The following SYNJ2 variants were observed in gnomAD, a reference collection of about 807,000 sequenced individuals.
SYNJ2 encodes the protein synaptojanin 2, also known as polyphosphatidylinositol phosphatase SYNJ2.
SYNJ2 carries 116 observed loss-of-function variants against 141.3 expected under a neutral mutation model. The ratio of observed to expected loss-of-function variants is 0.82; its 90% CI spans 0.71 to 0.96. The LOEUF (loss-of-function observed/expected upper bound fraction) is 0.96, where lower values mean the gene tolerates loss of function less well. Among genes scored for constraint, SYNJ2 ranks in the 40% least tolerant of loss-of-function variants. The pLI is 0.00. For missense variants in SYNJ2, 1,873 were observed against 1,934.8 expected, an observed-to-expected ratio of 0.97 and a Z score of 0.60; for synonymous variants, 745 against 777.7, an observed-to-expected ratio of 0.96 and a Z score of 0.70.
intron 16 of SYNJ2, among the ~76,000 whole-genome samples, chr6:158,075,289 G>A (rs866918461): frequency 6.6e-6 from 1 of 151,790 alleles, no homozygotes. Flanking sequence ...CTAGCAGGAT[G>A]AGCTGAGATG....
Position 158,069,676 on chromosome 6 carries a change from A to G in SYNJ2, c.1940+3A>G. 6.2e-7 allele frequency: 1 copy of G among 1,609,828 alleles called. No homozygotes were observed. Among genetic ancestry groups the G allele is most frequent in the Non-Finnish European group, 8.5e-7 (1 of 1,177,268 alleles). ...CCATACCATGTCCCGTTCATCAGGT[A>G]AGAACATTCTGTTTACACACATCTG... is the stretch of plus-strand genomic sequence containing the variant. On this transcript the variant is annotated splice_donor_region_variant and intron_variant, in intron 14 of 26. Transcript: ENST00000355585.
At chr6:157,992,541 GCACC>G (rs1777488515) in intron 1 of SYNJ2, among the ~76,000 whole-genome samples, 1 of 151,036 alleles carries the variant, frequency 6.6e-6, no homozygotes, top group Non-Finnish European at 1.5e-5. Context: ...GGGATTACAG[GCACC>G]CACCACCACA....
At chr6:158,017,109 G>C in intron 1 of SYNJ2, 95 bp from the exon 2 acceptor site, 1 of 1,496,728 alleles carries the variant, frequency 6.7e-7, no homozygotes, top group African/African-American at 1.4e-5. Context: ...TCTTTTTGGA[G>C]TGGGTGGGAA....
chr6:157,981,918 G>A lies in SYNJ2; in HGVS notation c.-44G>A. ...AGCTGTCGCGGGCAGCGCGCCCTCG[G>A]GAGGACGTGGCCCCGGCCCCCGCCC... On this transcript the variant is annotated 5_prime_UTR_variant, in exon 1 of 27. Transcript: ENST00000355585. The surrounding 1 kb of genome is among the most constrained non-coding windows in gnomAD (Gnocchi z 6.4). 1 of 1,221,966 alleles carries A rather than the reference G, an allele frequency of 8.2e-7. No individual in the cohort carries two copies. Among genetic ancestry groups the A allele is most frequent in the South Asian group, 4.1e-5 (1 of 24,302 alleles). The allele number at this position is 1,221,966 out of a possible 1,614,324, so 75.7% of individuals were successfully genotyped here. A position where few individuals can be genotyped will look rare whatever the true frequency, so the allele number is the denominator to read the frequency against.
rs955583768 is a variant in SYNJ2, at chr6:157,982,431, C to A, written c.127+343C>A. Among the ~76,000 whole-genome samples, 1 of 152,158 alleles carries A rather than the reference C, an allele frequency of 6.6e-6. No homozygotes were observed. The highest frequency in any genetic ancestry group is 1.5e-5 in the Non-Finnish European group (1 of 68,018). On this transcript the variant is annotated intron_variant, in intron 1 of 26. Coordinates refer to ENST00000355585, the MANE Select transcript of SYNJ2 (RefSeq NM_003898.4). The surrounding 1 kb of genome is among the most constrained non-coding windows in gnomAD (Gnocchi z 4.0). Reference sequence around the variant, plus strand: ...TTAGCCGGCCTGACCCTGTGCCTGGCGCCTTTTCTTTTGCACCTGTTGATG... The same window carrying A: ...TTAGCCGGCCTGACCCTGTGCCTGGAGCCTTTTCTTTTGCACCTGTTGATG...
chr6:158,026,607 C>A (rs1479702276), intron 2 of SYNJ2, among the ~76,000 whole-genome samples: 1 of 152,236 alleles, frequency 6.6e-6, no homozygotes, highest in Non-Finnish European at 1.5e-5. Context: ...CCAGCCTCCC[C>A]CAGGCCGTGG....
intron 4 of SYNJ2, among the ~76,000 whole-genome samples, chr6:158,042,973 A>T (rs1780029597): frequency 6.6e-6 from 1 of 152,244 alleles, no homozygotes; most frequent in African/African-American, 2.4e-5. Flanking sequence ...TCCAGAGCAC[A>T]CTGACTTCTA....
At chr6:157,993,573 C>T (rs1777528617) in intron 1 of SYNJ2, among the ~76,000 whole-genome samples, 1 of 151,814 alleles carries the variant, frequency 6.6e-6, no homozygotes, top group African/African-American at 2.4e-5. Flanking sequence ...CTTTGGTTGC[C>T]TGTGCTTGTG....
chr6:157,981,929 C>T lies in SYNJ2; in HGVS notation c.-33C>T, dbSNP rs1363488447. 3 of 1,223,476 alleles carry T rather than the reference C, an allele frequency of 2.5e-6. No homozygotes were observed. The highest frequency in any genetic ancestry group is 3.1e-5 in the African/African-American group (2 of 63,996). The allele number at this position is 1,223,476 out of a possible 1,614,324, so 75.8% of individuals were successfully genotyped here. On this transcript the variant is annotated 5_prime_UTR_variant, in exon 1 of 27. Transcript: ENST00000355585. This position sits in a 1 kb window ranked among gnomAD's most constrained non-coding sequence, Gnocchi z 6.4. ...GCAGCGCGCCCTCGGGAGGACGTGG[C>T]CCCGGCCCCCGCCCGCAGTGGGCCC...
chr6:158,016,373 C>T (rs1778456738), intron 1 of SYNJ2, among the ~76,000 whole-genome samples: 1 of 152,200 alleles, frequency 6.6e-6, no homozygotes, highest in Non-Finnish European at 1.5e-5. Context: ...CTTCGCCTCC[C>T]AAAGTGCTGG....
intron 1 of SYNJ2, among the ~76,000 whole-genome samples, chr6:157,999,301 A>G (rs2128318983): frequency 6.6e-6 from 1 of 152,326 alleles, no homozygotes; most frequent in East Asian, 1.9e-4. Flanking sequence ...TCCCCCTGTG[A>G]TTCAGGCATG....
At chr6:158,077,350 C>T (rs1010303669) in intron 17 of SYNJ2, among the ~76,000 whole-genome samples, 1 of 152,116 alleles carries the variant, frequency 6.6e-6, no homozygotes, top group Non-Finnish European at 1.5e-5. Flanking sequence ...CCTGGCTGCC[C>T]CTGCATCACA....
At position 158,086,999 on chromosome 6, in the gene SYNJ2, T is replaced by G. The variant is rs1341556778; in HGVS notation, c.3343+10T>G. On this transcript the variant is annotated intron_variant, in intron 23 of 26. Coordinates refer to ENST00000355585, the MANE Select transcript of SYNJ2 (RefSeq NM_003898.4). ...AGACCCCCCCCTCCAAGTAAGACTC[T>G]GCTTGCTTTCAGCTCCCTGGATGCC... The G allele has an allele frequency of 7.7e-6, 10 of 1,292,822 alleles. No individual in the cohort carries two copies. In the South Asian group the frequency reaches 8.1e-5, roughly 11 times the overall value. The allele number at this position is 1,292,822 out of a possible 1,614,324, so 80.1% of individuals were successfully genotyped here.
chr6:157,997,034 C>T (rs943979021), intron 1 of SYNJ2, among the ~76,000 whole-genome samples: 4 of 145,032 alleles, frequency 2.8e-5, no homozygotes, highest in African/African-American at 5.3e-5. Context: ...CCCACCCCCC[C>T]CCACCCAGCT....
At chr6:158,079,553 A>G (rs1369337261) in intron 18 of SYNJ2, among the ~76,000 whole-genome samples, 3 of 151,762 alleles carry the variant, frequency 2.0e-5, no homozygotes, top group African/African-American at 7.3e-5. Flanking sequence ...TTGTATTTTT[A>G]GTAGAAACGG....
rs1182615434 is a variant in SYNJ2 at position 158,059,336 on chromosome 6, C to T, written c.937C>T (p.Leu313Phe). Reference protein sequence around the residue: ...LLGSRGGEEVLNRAFKKLLWA... With the variant: ...LLGSRGGEEVFNRAFKKLLWA... ...GGGAAGCAGAGGCGGAGAGGAGGTGCTCAACAGAGCCTTCAAGGTAAGGCC... is the reference window on the plus strand; with the variant it reads ...GGGAAGCAGAGGCGGAGAGGAGGTGTTCAACAGAGCCTTCAAGGTAAGGCC... The change falls in exon 7 of 27, where the codon CTC (leucine) becomes TTC (phenylalanine). Residue 313 changes from leucine to phenylalanine, a missense_variant. By Grantham distance (22) the Leu-to-Phe change is conservative. Transcript: ENST00000355585. The T allele has an allele frequency of 2.6e-6, 4 of 1,550,520 alleles. No homozygotes were observed. Among genetic ancestry groups the T allele is most frequent in the South Asian group, 1.2e-5 (1 of 84,042 alleles).
At chr6:157,992,780 T>C (rs146690723) in intron 1 of SYNJ2, among the ~76,000 whole-genome samples, 2 of 152,218 alleles carry the variant, frequency 1.3e-5, no homozygotes, top group Non-Finnish European at 2.9e-5. Context: ...GATCTCATTC[T>C]TTTTTATGGA....
At chr6:158,008,253 A>C (rs965552651) in intron 1 of SYNJ2, among the ~76,000 whole-genome samples, 1 of 152,186 alleles carries the variant, frequency 6.6e-6, no homozygotes, top group Non-Finnish European at 1.5e-5. Context: ...GATTACAGGC[A>C]TGAGCCACCA....
chr6:158,016,375 A>G (rs544032626), intron 1 of SYNJ2, among the ~76,000 whole-genome samples: 2 of 152,202 alleles, frequency 1.3e-5, no homozygotes, highest in East Asian at 3.9e-4. Flanking sequence ...TCGCCTCCCA[A>G]AGTGCTGGGG....
Sources: gnomAD v4.1 joint callset for allele counts (sites outside exome capture counted in the v4.1 genomes callset) on GRCh38, gnomAD v4.1.1 for gene constraint, Gnocchi (gnomAD v3.1) non-coding constraint, MANE v1.5 for transcripts, NCBI Gene and HGNC (gene_info 2026-07-23, HGNC 2026-07-21) for gene names.